The following DLG5 variants were observed in gnomAD, a reference collection of about 807,000 sequenced individuals.
The protein encoded by DLG5 is discs large MAGUK scaffold protein 5.
DLG5 carries 48 observed loss-of-function variants against 189.8 expected under a neutral mutation model. That is an observed-to-expected ratio of 0.25 (90% CI 0.20 to 0.32). The LOEUF is 0.32. DLG5 is among the 10% of genes least tolerant of loss of function. DLG5 has a pLI of 1.00. For synonymous variants in DLG5, 1,016 were observed against 1,054.1 expected, an observed-to-expected ratio of 0.96 and a Z score of 0.70; for missense variants, 2,160 against 2,544.7, an observed-to-expected ratio of 0.85 and a Z score of 3.25.
intron 1 of DLG5, among the ~76,000 whole-genome samples, chr10:77,890,288 A>C (rs1845568111): frequency 6.6e-6 from 1 of 152,298 alleles, no homozygotes; most frequent in African/African-American, 2.4e-5. Context: ...TCTTGAGCCC[A>C]TCAGCAGCCA....
intron 1 of DLG5, among the ~76,000 whole-genome samples, chr10:77,897,918 G>A (rs774981189): frequency 7.9e-5 from 12 of 152,112 alleles, no homozygotes; most frequent in Non-Finnish European, 1.5e-4. Flanking sequence ...TCACTGGAGA[G>A]TGGTAGAATT....
At chr10:77,893,114 T>C (rs961124648) in intron 1 of DLG5, among the ~76,000 whole-genome samples, 2 of 152,234 alleles carry the variant, frequency 1.3e-5, no homozygotes, top group African/African-American at 4.8e-5. Context: ...GCTCAGTTTC[T>C]TCCATTCTTG....
At chr10:77,939,036 C>T in the DLG5 span, among the ~76,000 whole-genome samples, 659 of 152,162 alleles carry the variant, frequency 4.3e-3, 4 homozygotes, top group African/African-American at 0.015. Context: ...CAAAATTAGC[C>T]GGGTGTGGTG....
At chr10:77,843,761 C>T (rs1167598956) in intron 5 of DLG5, 55 bp from the exon 6 acceptor site, 28 of 1,606,016 alleles carry the variant, frequency 1.7e-5, no homozygotes, top group Non-Finnish European at 2.3e-5. Context: ...GCGGAGGAGA[C>T]CTCCCACTCT....
Position 77,807,956 on chromosome 10 carries a change from G to T in DLG5, c.4648-12C>A. The T allele has an allele frequency of 1.9e-6, 3 of 1,613,830 alleles. No individual in the cohort carries two copies. The highest frequency in any genetic ancestry group is 2.5e-6 in the Non-Finnish European group (3 of 1,179,932). ...TCCAGGCTGCCATACTGCCAGGGATGGGGGTGGATGCATCAGAAGGCAGAA... is the reference window on the plus strand; with the variant it reads ...TCCAGGCTGCCATACTGCCAGGGATTGGGGTGGATGCATCAGAAGGCAGAA... On this transcript the variant is annotated splice_polypyrimidine_tract_variant and intron_variant, in intron 24 of 31. Transcript: ENST00000372391.
intron 17 of DLG5, 94 bp downstream of exon 17, chr10:77,819,227 C>T: frequency 6.3e-7 from 1 of 1,583,356 alleles, no homozygotes; most frequent in Non-Finnish European, 8.6e-7. Flanking sequence ...AAGGAAGCTT[C>T]TCCACCAATG....
In DLG5 at chr10:77,926,141, C is replaced by A; in HGVS notation, c.304+76G>T. Reference sequence around the variant, plus strand: ...TCGCCAGGTGGAGCGGCGGCCCCGGCGAGGTACCCTCGGCCAGCAGGAGGG... The same window carrying A: ...TCGCCAGGTGGAGCGGCGGCCCCGGAGAGGTACCCTCGGCCAGCAGGAGGG... On this transcript the variant is annotated intron_variant, in intron 1 of 31. Coordinates refer to ENST00000372391, the MANE Select transcript of DLG5 (RefSeq NM_004747.4). The surrounding 1 kb of genome is among the most constrained non-coding windows in gnomAD (Gnocchi z 5.2). 7.8e-7 allele frequency: 1 copy of A among 1,283,000 alleles called. No homozygotes were observed. Among genetic ancestry groups the A allele is most frequent in the Non-Finnish European group, 9.9e-7 (1 of 1,005,646 alleles). The allele number at this position is 1,283,000 out of a possible 1,614,324, so 79.5% of individuals were successfully genotyped here.
At chr10:77,936,571 TAATCCTTAGAA>T in the DLG5 span, among the ~76,000 whole-genome samples, 3 of 152,084 alleles carry the variant, frequency 2.0e-5, no homozygotes, top group Non-Finnish European at 4.4e-5. Context: ...AACCTCAGAT[TAATCCTTAGAA>T]AGGACTAATG....
intron 7 of DLG5, among the ~76,000 whole-genome samples, chr10:77,837,100 AG>A (rs1356962245): frequency 6.6e-5 from 10 of 151,554 alleles, no homozygotes; most frequent in African/African-American, 1.9e-4. Flanking sequence ...CTGTGGTCCC[AG>A]CTACATGGGA....
intron 1 of DLG5, among the ~76,000 whole-genome samples, chr10:77,909,522 G>T (rs1279078616): frequency 6.6e-6 from 1 of 151,952 alleles, no homozygotes; most frequent in African/African-American, 2.4e-5. Flanking sequence ...AATGAGGGTG[G>T]CTGAGGACAA....
intron 25 of DLG5, 98 bp from the exon 26 acceptor site, chr10:77,807,026 C>G: frequency 7.3e-7 from 1 of 1,378,476 alleles, no homozygotes; most frequent in Non-Finnish European, 1.0e-6. Flanking sequence ...TGCCATTCTG[C>G]TTTGGGCTGT....
chr10:77,809,385 G>A (rs1057156323), intron 24 of DLG5, among the ~76,000 whole-genome samples, 162 bp downstream of exon 24: 4 of 152,186 alleles, frequency 2.6e-5, no homozygotes, highest in South Asian at 2.1e-4. Context: ...CAGCCTGGGC[G>A]ACAGAGCAAG....
intron 5 of DLG5, among the ~76,000 whole-genome samples, chr10:77,850,056 G>A (rs1564546784): frequency 6.6e-6 from 1 of 151,966 alleles, no homozygotes; most frequent in Non-Finnish European, 1.5e-5. Flanking sequence ...TCCTCTCTGA[G>A]TTATAATTTA....
chr10:77,903,573 G>A (rs781550336), intron 1 of DLG5, among the ~76,000 whole-genome samples: 3 of 150,326 alleles, frequency 2.0e-5, no homozygotes, highest in Non-Finnish European at 3.0e-5. Flanking sequence ...AGCCGAGATC[G>A]TGACACTGCA....
At position 77,821,761 on chromosome 10, in the gene DLG5, A is replaced by C. The variant is rs1228256339; in HGVS notation, c.2723T>G (p.Val908Gly). 1 of 1,609,484 alleles carries C rather than the reference A, an allele frequency of 6.2e-7. No individual in the cohort carries two copies. The highest frequency in any genetic ancestry group is 1.3e-5 in the African/African-American group (1 of 74,888). ...DASGDRGFGL[V>G]DVRGRRPLLP... ...CAGTGGCCGCCGGCCACGCACGTCCACCAGCCCAAAGCCACGGTCCCCAGA... is the reference window on the plus strand; with the variant it reads ...CAGTGGCCGCCGGCCACGCACGTCCCCCAGCCCAAAGCCACGGTCCCCAGA... Residue 908 changes from valine (V) to glycine (G), a missense_variant, in exon 15 of 32, where the codon GTG becomes GGG. Physicochemically the swap from Val to Gly is moderately radical, Grantham distance 109. This residue lies in a region of DLG5 where 754 missense variants were observed against 746.5 expected (regional missense o/e 1.01). Coordinates refer to ENST00000372391, the MANE Select transcript of DLG5 (RefSeq NM_004747.4).
rs1233137146 is a variant in DLG5 at position 77,796,347 on chromosome 10, GC to G, written c.5308+103del. 9 of 1,587,808 alleles carry G rather than the reference GC, an allele frequency of 5.7e-6. No homozygotes were observed. Among genetic ancestry groups the G allele is most frequent in the Non-Finnish European group, 6.9e-6 (8 of 1,163,180 alleles). Reference sequence around the variant, plus strand: ...AGGCTTCTGGAACACTGTGAAATCTGCCCCCCGGTACTGCCACCCACTGTGC... The same window carrying G: ...AGGCTTCTGGAACACTGTGAAATCTGCCCCCGGTACTGCCACCCACTGTGC... On this transcript the variant is annotated intron_variant, in intron 28 of 31. Transcript: ENST00000372391. This position sits in a 1 kb window ranked among gnomAD's most constrained non-coding sequence, Gnocchi z 5.2.
Position 77,887,817 on chromosome 10 carries a change from A to C in DLG5, c.305-18620T>G, listed in dbSNP as rs536506571. On this transcript the variant is annotated intron_variant, in intron 1 of 31. Coordinates refer to ENST00000372391, the MANE Select transcript of DLG5 (RefSeq NM_004747.4). ...TTCATCACATTTCAGAAAAACAAAGAAGAGACCTTGAGGGACAGACAAACA... is the reference window on the plus strand; with the variant it reads ...TTCATCACATTTCAGAAAAACAAAGCAGAGACCTTGAGGGACAGACAAACA... Among the ~76,000 whole-genome samples the C allele has an allele frequency of 2.0e-5, 3 of 152,316 alleles. No homozygotes were observed. In the South Asian group the frequency reaches 6.2e-4, roughly 32 times the overall value.
chr10:77,811,895 C>T (rs1338575074), intron 22 of DLG5, 29 bp downstream of exon 22: 2 of 1,588,380 alleles, frequency 1.3e-6, no homozygotes, highest in Non-Finnish European at 8.5e-7. Context: ...CACCCCCAGC[C>T]CAGACGGCCC....
At chr10:77,910,584 G>C (rs971977175) in intron 1 of DLG5, among the ~76,000 whole-genome samples, 1 of 152,174 alleles carries the variant, frequency 6.6e-6, no homozygotes, top group Middle Eastern at 3.2e-3. Context: ...CCCAGCCTGG[G>C]AAGAGACCTG....
Sources: allele counts gnomAD v4.1 joint callset (sites outside exome capture counted in the v4.1 genomes callset), GRCh38; gene constraint gnomAD v4.1.1; regional missense constraint gnomAD v4.1.1; non-coding constraint Gnocchi (gnomAD v3.1); transcripts MANE v1.5; gene names NCBI Gene and HGNC (gene_info 2026-07-23, HGNC 2026-07-21).